Variants in DIAPH2 observed in about 807,000 individuals in gnomAD.
DIAPH2 encodes the protein protein diaphanous homolog 2.
Under a neutral mutation model 92.7 loss-of-function variants are expected in DIAPH2, and 35 were observed. The ratio of observed to expected loss-of-function variants is 0.38; its 90% CI spans 0.29 to 0.50. DIAPH2 has a LOEUF of 0.50. DIAPH2 is among the 20% of genes least tolerant of loss of function. DIAPH2 has a pLI of 0.94. For synonymous variants in DIAPH2, 301 were observed against 280.4 expected, an observed-to-expected ratio of 1.07 and a Z score of -0.73; for missense variants, 701 against 819.5, an observed-to-expected ratio of 0.86 and a Z score of 1.77.
chrX:97,146,172 T>A (rs1400371256), intron 22 of DIAPH2, among the ~76,000 whole-genome samples: 1 of 109,395 alleles, frequency 9.1e-6, no homozygotes, highest in Non-Finnish European at 1.9e-5. Context: ...CTTGTTTACT[T>A]AATGTACATT....
In DIAPH2 at chrX:97,186,391, C is replaced by G. The variant is rs73548612; in HGVS notation, c.2719+44597C>G. Among the ~76,000 whole-genome samples the G allele has an allele frequency of 2.3e-3, 258 of 111,279 alleles. 1 individual carries two copies. Among genetic ancestry groups the G allele is most frequent in the African/African-American group, 8.0e-3 (247 of 30,710 alleles). On this transcript the variant is annotated intron_variant, in intron 22 of 26. Coordinates refer to ENST00000324765, the MANE Select transcript of DIAPH2 (RefSeq NM_006729.5). ...ATTTTTAAACCAAATTAAAATCTAC[C>G]CACCTGTACTAATATCCAGTTCTTA...
At chrX:97,273,518 A>G (rs1294960876) in intron 23 of DIAPH2, among the ~76,000 whole-genome samples, 2 of 112,037 alleles carry the variant, frequency 1.8e-5, no homozygotes, top group Non-Finnish European at 3.8e-5. Flanking sequence ...ATATCCATTA[A>G]GTGGTAGAGC....
chrX:97,163,479 C>G (rs774881713), intron 22 of DIAPH2, among the ~76,000 whole-genome samples: 2 of 112,170 alleles, frequency 1.8e-5, no homozygotes, highest in South Asian at 3.7e-4. Context: ...TGTGAGCCAC[C>G]AGGCCTGGCC....
In DIAPH2 at chrX:97,582,441, G is replaced by T. The variant is rs753742650; in HGVS notation, c.3242-16812G>T. On this transcript the variant is annotated intron_variant, in intron 26 of 26. Coordinates refer to ENST00000324765, the MANE Select transcript of DIAPH2 (RefSeq NM_006729.5). ...TCCTTCACTTATGAAGCTTAGTTTG[G>T]CTGGATATGAAATTCTGGGTTGAAA... 1.6e-4 allele frequency among the ~76,000 whole-genome samples: 17 copies of T among 104,703 alleles called. No homozygotes were observed. In the East Asian group the frequency reaches 5.2e-3, roughly 32 times the overall value. 90.9% of individuals were successfully genotyped at this position (104,703 alleles called of 115,157 possible). A position where few individuals can be genotyped will look rare whatever the true frequency, so the allele number is the denominator to read the frequency against.
intron 4 of DIAPH2, among the ~76,000 whole-genome samples, chrX:96,775,533 A>G (rs752150717): frequency 9.0e-6 from 1 of 110,928 alleles, no homozygotes; most frequent in Non-Finnish European, 1.9e-5. Flanking sequence ...GCTCTTCATC[A>G]TACCAACTAG....
At chrX:96,784,725 G>A (rs1203490153) in intron 4 of DIAPH2, among the ~76,000 whole-genome samples, 1 of 112,565 alleles carries the variant, frequency 8.9e-6, no homozygotes, top group Non-Finnish European at 1.9e-5. Flanking sequence ...GAAGAACAGT[G>A]AGGGGCATCA....
intron 23 of DIAPH2, among the ~76,000 whole-genome samples, chrX:97,271,791 A>T (rs1462525829): frequency 1.0e-5 from 1 of 98,223 alleles, no homozygotes; most frequent in Non-Finnish European, 2.0e-5. Context: ...TTTTGAGGAG[A>T]TTGCAATGAC....
chrX:96,781,089 T>A (rs1313805381), intron 4 of DIAPH2, among the ~76,000 whole-genome samples: 1 of 111,377 alleles, frequency 9.0e-6, no homozygotes, highest in Non-Finnish European at 1.9e-5. Context: ...ATTACAGGAG[T>A]GAGCCACCGT....
chrX:96,785,010 T>G (rs1406933142), intron 4 of DIAPH2, among the ~76,000 whole-genome samples: 1 of 112,208 alleles, frequency 8.9e-6, no homozygotes, highest in Non-Finnish European at 1.9e-5. Flanking sequence ...TTTTCTCATT[T>G]ATAAAATGAG....
chrX:96,778,162 T>C (rs1875053705), intron 4 of DIAPH2, among the ~76,000 whole-genome samples: 1 of 108,699 alleles, frequency 9.2e-6, no homozygotes, highest in South Asian at 4.1e-4. Context: ...GATAGTTTGC[T>C]GAGAATGATG....
intron 21 of DIAPH2, among the ~76,000 whole-genome samples, chrX:97,124,975 G>A (rs2067082270): frequency 9.0e-6 from 1 of 111,250 alleles, no homozygotes; most frequent in South Asian, 3.8e-4. Context: ...GCCAGATGAA[G>A]CCAAAAAGGG....
At chrX:96,696,826 G>C (rs772340939) in intron 1 of DIAPH2, among the ~76,000 whole-genome samples, 3 of 112,244 alleles carry the variant, frequency 2.7e-5, no homozygotes, top group Non-Finnish European at 5.6e-5. Context: ...CAAGGTCTGG[G>C]ATTTTCCCTT....
chrX:97,301,517 C>T (rs1436874719), intron 23 of DIAPH2, among the ~76,000 whole-genome samples: 1 of 111,661 alleles, frequency 9.0e-6, no homozygotes, highest in Non-Finnish European at 1.9e-5. Flanking sequence ...CTCTGACTCA[C>T]TTTTACATGG....
chrX:97,349,860 G>A (rs769277342), intron 24 of DIAPH2, among the ~76,000 whole-genome samples: 2 of 111,182 alleles, frequency 1.8e-5, no homozygotes, highest in Admixed American at 9.7e-5. Context: ...ACACATAAGC[G>A]CACAGGTTAT....
At chrX:96,874,900 A>G (rs1291204634) in intron 4 of DIAPH2, among the ~76,000 whole-genome samples, 1 of 111,984 alleles carries the variant, frequency 8.9e-6, no homozygotes, top group Non-Finnish European at 1.9e-5. Flanking sequence ...GAGTTTGTGT[A>G]CTTGACATTT....
intron 17 of DIAPH2, among the ~76,000 whole-genome samples, chrX:96,993,337 A>C (rs2066084200): frequency 8.9e-6 from 1 of 112,248 alleles, no homozygotes; most frequent in Non-Finnish European, 1.9e-5. Context: ...GATGTGTATT[A>C]GTTCGTTCTC....
chrX:96,781,025 T>C (rs990560239), intron 4 of DIAPH2, among the ~76,000 whole-genome samples: 11 of 108,944 alleles, frequency 1.0e-4, no homozygotes, highest in Non-Finnish European at 1.9e-4. Flanking sequence ...CAAGCTGGTC[T>C]CAAACTGCCG....
chrX:97,259,770 G>T (rs1019421270), intron 23 of DIAPH2, among the ~76,000 whole-genome samples: 10 of 112,383 alleles, frequency 8.9e-5, no homozygotes, highest in Admixed American at 5.7e-4. Flanking sequence ...AGCTTGAAAA[G>T]ATCTTTTATC....
chrX:97,333,354 A>G (rs1326070908), intron 23 of DIAPH2, among the ~76,000 whole-genome samples: 1 of 110,984 alleles, frequency 9.0e-6, no homozygotes, highest in Non-Finnish European at 1.9e-5. Context: ...GATACCACAA[A>G]CTCAATTTGT....
Sources: allele counts gnomAD v4.1 joint callset (sites outside exome capture counted in the v4.1 genomes callset), GRCh38; gene constraint gnomAD v4.1.1; transcripts MANE v1.5; gene names NCBI Gene and HGNC (gene_info 2026-07-23, HGNC 2026-07-21).